Variants in PVT1 observed in about 807,000 individuals in gnomAD.
PVT1 encodes Pvt1 oncogene.
chr8:128,018,084 A>G (rs78346272), intron 4 of PVT1, among the ~76,000 whole-genome samples: 2,190 of 152,332 alleles, frequency 0.014, 50 homozygotes, highest in African/African-American at 0.05. Flanking sequence ...AATAGCTTCA[A>G]TCTCCTGTGA....
intron 3 of PVT1, among the ~76,000 whole-genome samples, chr8:127,952,803 G>T (rs566977520): frequency 2.0e-5 from 3 of 148,842 alleles, no homozygotes; most frequent in Non-Finnish European, 3.0e-5. Flanking sequence ...CTCGCTCTGT[G>T]GCCCAGGCTG....
At chr8:128,063,930 G>C (rs550368269) in intron 4 of PVT1, among the ~76,000 whole-genome samples, 1 of 152,138 alleles carries the variant, frequency 6.6e-6, no homozygotes, top group Non-Finnish European at 1.5e-5. Context: ...TGTATCCACT[G>C]TGTCCTTCAA....
chr8:128,081,341 G>A (rs143821075), intron 5 of PVT1, among the ~76,000 whole-genome samples: 2 of 152,148 alleles, frequency 1.3e-5, no homozygotes, highest in Non-Finnish European at 2.9e-5. Flanking sequence ...ACAAATAAAG[G>A]TGCTACAGAC....
intron 3 of PVT1, among the ~76,000 whole-genome samples, chr8:127,907,711 T>C (rs1815840101): frequency 6.6e-6 from 1 of 152,184 alleles, no homozygotes; most frequent in South Asian, 2.1e-4. Flanking sequence ...AGAAAGATTG[T>C]GTTAAATCTT....
At position 127,932,643 on chromosome 8, in the gene PVT1, C is replaced by T. The variant is rs140357579; in HGVS notation, n.782+41645C>T. On this transcript the variant is annotated intron_variant and non_coding_transcript_variant, in intron 3 of 10. Transcript: ENST00000651587. ...ATGGTACCTGATGGACACCAAGCTACGTACAGCTTCAAGGCCCCTTCTTTC... is the reference window on the plus strand; with the variant it reads ...ATGGTACCTGATGGACACCAAGCTATGTACAGCTTCAAGGCCCCTTCTTTC... 498 of 398,004 alleles carry T rather than the reference C, an allele frequency of 1.3e-3. 1 individual carries two copies. Among genetic ancestry groups the T allele is most frequent in the Non-Finnish European group, 1.7e-3 (384 of 225,798 alleles). The allele number at this position is 398,004 out of a possible 1,614,324, so 24.7% of individuals were successfully genotyped here. A position where few individuals can be genotyped will look rare whatever the true frequency, so the allele number is the denominator to read the frequency against.
At chr8:128,030,659 G>A (rs773419984) in intron 4 of PVT1, among the ~76,000 whole-genome samples, 2 of 152,226 alleles carry the variant, frequency 1.3e-5, no homozygotes, top group Non-Finnish European at 2.9e-5. Context: ...AACAGGGACT[G>A]TGTGCCTCAC....
intron 2 of PVT1, among the ~76,000 whole-genome samples, chr8:127,857,920 G>T (rs1182997230): frequency 6.6e-6 from 1 of 152,204 alleles, no homozygotes; most frequent in Non-Finnish European, 1.5e-5. Flanking sequence ...GATTCGTATG[G>T]TGGAGTGTGA....
chr8:128,062,039 C>G (rs1187653915), intron 4 of PVT1, among the ~76,000 whole-genome samples: 1 of 152,218 alleles, frequency 6.6e-6, no homozygotes, highest in African/African-American at 2.4e-5. Flanking sequence ...AGGCCACGTG[C>G]AAGAAAAGCT....
At chr8:128,076,410 G>T (rs1390324057) in intron 5 of PVT1, among the ~76,000 whole-genome samples, 1 of 152,116 alleles carries the variant, frequency 6.6e-6, no homozygotes, top group East Asian at 1.9e-4. Context: ...GTCTCAAAGA[G>T]CCCATGAGTG....
chr8:127,984,869 CTTTCTTTCTT>C (rs1480662062), intron 3 of PVT1, among the ~76,000 whole-genome samples: 9 of 73,428 alleles, frequency 1.2e-4, no homozygotes, highest in South Asian at 1.3e-3. Flanking sequence ...TTCTTTCTTT[CTTTCTTTCTT>C]TCTTTCTTTC....
chr8:127,952,819 C>A (rs1208023559), intron 3 of PVT1, among the ~76,000 whole-genome samples: 2 of 151,370 alleles, frequency 1.3e-5, no homozygotes, highest in Non-Finnish European at 2.9e-5. Flanking sequence ...GGCTGGAGTG[C>A]AAAGGCGCGA....
At chr8:128,057,057 G>C (rs1813770632) in intron 4 of PVT1, among the ~76,000 whole-genome samples, 1 of 152,122 alleles carries the variant, frequency 6.6e-6, no homozygotes, top group Non-Finnish European at 1.5e-5. Flanking sequence ...ACCACTTCCA[G>C]GCTGAGCTGA....
chr8:128,037,370 T>A (rs1029519409), intron 4 of PVT1, among the ~76,000 whole-genome samples: 1 of 152,238 alleles, frequency 6.6e-6, no homozygotes, highest in African/African-American at 2.4e-5. Flanking sequence ...ATTTTTCAGG[T>A]GTGGGTTTGG....
chr8:127,858,721 T>C (rs1431528608), intron 2 of PVT1, among the ~76,000 whole-genome samples: 1 of 151,284 alleles, frequency 6.6e-6, no homozygotes, highest in Non-Finnish European at 1.5e-5. Flanking sequence ...AATCTACTAA[T>C]GTACAGCAAG....
chr8:127,920,661 A>G (rs1205194953), intron 3 of PVT1, among the ~76,000 whole-genome samples: 1 of 152,236 alleles, frequency 6.6e-6, no homozygotes, highest in Non-Finnish European at 1.5e-5. Context: ...TTGTGTTGGT[A>G]ATTAAGTACG....
intron 3 of PVT1, among the ~76,000 whole-genome samples, chr8:127,981,922 C>T (rs1816886803): frequency 6.6e-6 from 1 of 152,210 alleles, no homozygotes; most frequent in Admixed American, 6.5e-5. Flanking sequence ...GCTTGGAACC[C>T]AGGGTTCTCT....
At chr8:127,929,345 G>A (rs1816172784) in intron 3 of PVT1, among the ~76,000 whole-genome samples, 1 of 151,960 alleles carries the variant, frequency 6.6e-6, no homozygotes, top group Non-Finnish European at 1.5e-5. Flanking sequence ...ACACCGTTTT[G>A]CCTCGCCCAA....
intron 4 of PVT1, among the ~76,000 whole-genome samples, chr8:128,050,843 C>T (rs963465282): frequency 6.6e-6 from 1 of 152,230 alleles, no homozygotes; most frequent in Non-Finnish European, 1.5e-5. Flanking sequence ...ATTCAAACTC[C>T]ACCTGTCCTC....
At chr8:127,836,542 A>G (rs1473396738) in intron 2 of PVT1, among the ~76,000 whole-genome samples, 2 of 152,190 alleles carry the variant, frequency 1.3e-5, no homozygotes, top group Admixed American at 6.5e-5. Context: ...AAGCCCCTCC[A>G]TGGTGGAAGA....
Sources: allele counts gnomAD v4.1 joint callset (sites outside exome capture counted in the v4.1 genomes callset), GRCh38; gene constraint gnomAD v4.1.1; transcripts MANE v1.5; gene names NCBI Gene and HGNC (gene_info 2026-07-23, HGNC 2026-07-21).